Variants in SYT3 observed in about 807,000 individuals in gnomAD.
SYT3 encodes synaptotagmin-3.
Under a neutral mutation model 50.6 loss-of-function variants are expected in SYT3, and 25 were observed. That is an observed-to-expected ratio of 0.49 (90% CI 0.36 to 0.69). The LOEUF (loss-of-function observed/expected upper bound fraction) is 0.69, where lower values mean the gene tolerates loss of function less well. Among genes scored for constraint, SYT3 ranks in the 30% least tolerant of loss-of-function variants. The pLI, the probability that SYT3 is intolerant of heterozygous loss-of-function variation, is 0.00. For missense variants in SYT3, 589 were observed against 793.6 expected (o/e 0.74, Z 3.10); for synonymous variants, 323 against 353.9 (o/e 0.91, Z 0.98).
intron 6 of SYT3, among the ~76,000 whole-genome samples, chr19:50,628,734 G>A (rs879732493): frequency 1.3e-4 from 20 of 152,176 alleles, no homozygotes; most frequent in Non-Finnish European, 2.5e-4. Context: ...ATGGCAAAGC[G>A]GGTGAGAGGT....
At chr19:50,626,656 C>T (rs1984079959) in intron 6 of SYT3, among the ~76,000 whole-genome samples, 3 of 146,828 alleles carry the variant, frequency 2.0e-5, no homozygotes, top group African/African-American at 7.6e-5. Flanking sequence ...GGGGCAGAGA[C>T]CCAGACAGAG....
chr19:50,656,175 T>A, the SYT3 span: 8 of 1,536,148 alleles, frequency 5.2e-6, no homozygotes, highest in Non-Finnish European at 7.0e-6. Context: ...CCAAATGTGA[T>A]GGCAGTGAAC....
chr19:50,631,963 TG>T (rs1421938740), intron 4 of SYT3, among the ~76,000 whole-genome samples: 1 of 152,116 alleles, frequency 6.6e-6, no homozygotes, highest in African/African-American at 2.4e-5. Flanking sequence ...TGAACTGCCT[TG>T]TGCCACAGGG....
chr19:50,630,231 C>T, intron 4 of SYT3, 60 bp from the exon 5 acceptor site: 1 of 1,445,442 alleles, frequency 6.9e-7, no homozygotes, highest in Non-Finnish European at 9.1e-7. Context: ...CGACTGCATG[C>T]AGAGACCTGG....
the SYT3 span, among the ~76,000 whole-genome samples, chr19:50,651,376 T>C: frequency 2.0e-5 from 3 of 152,226 alleles, no homozygotes; most frequent in East Asian, 5.8e-4. Context: ...TAGGTCTCAC[T>C]GTGGACACCT....
At chr19:50,624,985 G>T (rs1983989470) in intron 9 of SYT3, 177 bp downstream of exon 9, 5 of 515,508 alleles carry the variant, frequency 9.7e-6, no homozygotes, top group East Asian at 3.4e-5. Flanking sequence ...GTAAATTGAG[G>T]CACAGAGCGC....
At chr19:50,656,496 T>A in the SYT3 span, 1 of 1,179,452 alleles carries the variant, frequency 8.5e-7, no homozygotes, top group East Asian at 2.6e-5. Context: ...TGAAAACTGA[T>A]TGTGAATTTG....
chr19:50,647,668 AAAAC>A, the SYT3 span, among the ~76,000 whole-genome samples: 1 of 152,114 alleles, frequency 6.6e-6, no homozygotes, highest in Non-Finnish European at 1.5e-5. Flanking sequence ...CCCTGTCTCA[AAAAC>A]AAACAAACAA....
chr19:50,632,361 A>T lies in SYT3; in HGVS notation c.599T>A (p.Leu200Gln), dbSNP rs749021783. The T allele has an allele frequency of 9.9e-6, 16 of 1,609,876 alleles. No homozygotes were observed. The highest frequency in any genetic ancestry group is 1.4e-5 in the Non-Finnish European group (16 of 1,176,678). Residue 200 changes from leucine (L) to glutamine (Q), a missense_variant, in exon 4 of 11, where the codon CTG (leucine) becomes CAG (glutamine). Physicochemically the swap from Leu to Gln is moderately radical, Grantham distance 113 (BLOSUM62 -2). Coordinates refer to ENST00000600079, the MANE Select transcript of SYT3 (RefSeq NM_001160329.2). The surrounding 1 kb of genome is among the most constrained non-coding windows in gnomAD (Gnocchi z 4.7). ...SEGGAGSGLL[L>Q]LPPSGGGLPS... ...CAAGCCCCCACCACTGGGGGGCAGC[A>T]GGAGCAACCCAGAGCCTGCTCCCCC... is the stretch of plus-strand genomic sequence containing the variant.
At chr19:50,648,143 C>CA in the SYT3 span, among the ~76,000 whole-genome samples, 3 of 152,154 alleles carry the variant, frequency 2.0e-5, no homozygotes, top group African/African-American at 7.2e-5. Flanking sequence ...TCTTTGCTCT[C>CA]AGGCAAGTTA....
rs2123025875 is a variant in SYT3 at position 50,639,476 on chromosome 19, G to C, written c.-154+314C>G. 6.6e-6 allele frequency among the ~76,000 whole-genome samples: 1 copy of C among 151,844 alleles called. No individual in the cohort carries two copies. Among genetic ancestry groups the C allele is most frequent in the East Asian group, 1.9e-4 (1 of 5,140 alleles). On this transcript the variant is annotated intron_variant, in intron 1 of 10. Coordinates refer to ENST00000600079, the MANE Select transcript of SYT3 (RefSeq NM_001160329.2). This position sits in a 1 kb window ranked among gnomAD's most constrained non-coding sequence, Gnocchi z 4.6. Reference sequence around the variant, plus strand: ...GATGCTGGGGTCCCAAGACGCTTCAGGGGAGGGGAACGATGTCCGGGACTT... The same window carrying C: ...GATGCTGGGGTCCCAAGACGCTTCACGGGAGGGGAACGATGTCCGGGACTT...
At chr19:50,633,162 CT>C (rs1984382094) in intron 3 of SYT3, among the ~76,000 whole-genome samples, 2 of 148,614 alleles carry the variant, frequency 1.3e-5, no homozygotes, top group African/African-American at 5.0e-5. Context: ...TTAAATTTTT[CT>C]GTAGAGATGA....
At chr19:50,624,981 T>C in intron 9 of SYT3, 181 bp downstream of exon 9, 1 of 494,862 alleles carries the variant, frequency 2.0e-6, no homozygotes, top group Non-Finnish European at 3.3e-6. Context: ...GTGGGTAAAT[T>C]GAGGCACAGA....
chr19:50,641,243 G>A (rs1299873981), upstream of SYT3, among the ~76,000 whole-genome samples: 1 of 135,842 alleles, frequency 7.4e-6, no homozygotes, highest in African/African-American at 2.8e-5. Context: ...GTAGTGGCGC[G>A]ATCTGGGCTC....
chr19:50,656,999 G>A, the SYT3 span, among the ~76,000 whole-genome samples: 4 of 149,388 alleles, frequency 2.7e-5, no homozygotes, highest in Non-Finnish European at 5.9e-5. Context: ...AAGGAAGGGA[G>A]GGAGGGAAAG....
chr19:50,625,081 A>G lies in SYT3; in HGVS notation c.1707+81T>C, dbSNP rs767395538. The G allele has an allele frequency of 6.6e-6, 9 of 1,367,750 alleles. No individual in the cohort carries two copies. The highest frequency in any genetic ancestry group is 2.9e-5 in the African/African-American group (2 of 68,254). The allele number at this position is 1,367,750 out of a possible 1,614,324, so 84.7% of individuals were successfully genotyped here. A position where few individuals can be genotyped will look rare whatever the true frequency, so the allele number is the denominator to read the frequency against. ...ACGCCTGGCTCTGCGACTCACGAAC[A>G]TGCAGGGCGTTCGTTGCATGGATGA... On this transcript the variant is annotated intron_variant, in intron 9 of 10. Transcript: ENST00000600079. The surrounding 1 kb of genome is among the most constrained non-coding windows in gnomAD (Gnocchi z 7.5).
intron 6 of SYT3, among the ~76,000 whole-genome samples, chr19:50,627,460 C>T (rs1984116551): frequency 6.6e-6 from 1 of 152,164 alleles, no homozygotes; most frequent in African/African-American, 2.4e-5. Flanking sequence ...GTGGCTGATG[C>T]CTGTAATCCC....
At position 50,625,794 on chromosome 19, in the gene SYT3, C is replaced by T; in HGVS notation, c.1402+103G>A. The T allele has an allele frequency of 4.5e-6, 1 of 222,166 alleles. No homozygotes were observed. The highest frequency in any genetic ancestry group is 8.4e-6 in the Non-Finnish European group (1 of 119,612). 13.8% of individuals were successfully genotyped at this position (222,166 alleles called of 1,614,324 possible). On this transcript the variant is annotated intron_variant, in intron 7 of 10. Transcript: ENST00000600079. The surrounding 1 kb of genome is among the most constrained non-coding windows in gnomAD (Gnocchi z 7.5). ...CAGACCCAGGAGTCCAGATCCCCAG[C>T]TCCTCCTCCCTCAGACCCAGGAGTC...
chr19:50,623,991 C>T (rs1312194793), intron 9 of SYT3, among the ~76,000 whole-genome samples: 5 of 149,698 alleles, frequency 3.3e-5, no homozygotes, highest in Non-Finnish European at 7.4e-5. Context: ...GAGAGGGGTT[C>T]CTGCTCCATT....
Sources: allele counts gnomAD v4.1 joint callset (sites outside exome capture counted in the v4.1 genomes callset), GRCh38; gene constraint gnomAD v4.1.1; non-coding constraint Gnocchi (gnomAD v3.1); transcripts MANE v1.5; gene names NCBI Gene and HGNC (gene_info 2026-07-23, HGNC 2026-07-21).